LRIG1: variants seen among roughly 807,000 people sequenced by gnomAD.
LRIG1 encodes leucine rich repeats and immunoglobulin like domains 1.
LRIG1 carries 48 observed loss-of-function variants against 99.2 expected under a neutral mutation model. That is an observed-to-expected ratio of 0.48 (90% CI 0.38 to 0.62). The LOEUF (loss-of-function observed/expected upper bound fraction) is 0.62, where lower values mean the gene tolerates loss of function less well. Among genes scored for constraint, LRIG1 ranks in the 20% least tolerant of loss-of-function variants. The pLI, the probability that LRIG1 is intolerant of heterozygous loss-of-function variation, is 0.00. For missense variants in LRIG1, 1,646 were observed against 1,434.4 expected, an observed-to-expected ratio of 1.15 and a Z score of -2.38; for synonymous variants, 772 against 596.1, an observed-to-expected ratio of 1.29 and a Z score of -4.30.
chr3:66,461,364 A>C (rs1037663464), intron 2 of LRIG1, among the ~76,000 whole-genome samples: 2 of 152,244 alleles, frequency 1.3e-5, no homozygotes, highest in African/African-American at 4.8e-5. Context: ...TACTCATAAC[A>C]AAAATGGGTA....
intron 11 of LRIG1, among the ~76,000 whole-genome samples, chr3:66,395,254 A>T (rs1158582463): frequency 2.6e-5 from 4 of 152,178 alleles, no homozygotes; most frequent in Admixed American, 2.0e-4. Context: ...AATTCCAAAA[A>T]CATCATGCAG....
At chr3:66,486,414 T>C (rs1252839920) in intron 1 of LRIG1, among the ~76,000 whole-genome samples, 2 of 152,042 alleles carry the variant, frequency 1.3e-5, no homozygotes, top group Admixed American at 6.5e-5. Context: ...CCCACAACCA[T>C]GGCCCCTCAT....
intron 1 of LRIG1, among the ~76,000 whole-genome samples, chr3:66,490,303 C>T (rs1701073687): frequency 2.0e-5 from 3 of 152,244 alleles, no homozygotes; most frequent in Admixed American, 1.3e-4. Context: ...GGAAGGAAAC[C>T]CTGCTCCCTT....
At chr3:66,472,304 A>AG (rs1700617561) in intron 1 of LRIG1, among the ~76,000 whole-genome samples, 1 of 2,806 alleles carries the variant, frequency 3.6e-4, no homozygotes, top group African/African-American at 5.1e-4. Context: ...ACTCTGTCTC[A>AG]AAAAAAAAAA....
chr3:66,472,081 G>C (rs1210031211), intron 1 of LRIG1, among the ~76,000 whole-genome samples: 1 of 152,064 alleles, frequency 6.6e-6, no homozygotes, highest in Non-Finnish European at 1.5e-5. Context: ...AAGGCAGGCA[G>C]ACCATGAGGT....
chr3:66,430,007 T>C (rs747805046), intron 3 of LRIG1, among the ~76,000 whole-genome samples: 6 of 152,220 alleles, frequency 3.9e-5, no homozygotes, highest in Non-Finnish European at 8.8e-5. Context: ...TTTTAGTCTA[T>C]CGTATTGACT....
At chr3:66,482,185 A>G (rs931820380) in intron 1 of LRIG1, among the ~76,000 whole-genome samples, 2 of 152,240 alleles carry the variant, frequency 1.3e-5, no homozygotes, top group African/African-American at 4.8e-5. Flanking sequence ...ACGCGTCCAC[A>G]TCTGTTTAAG....
intron 1 of LRIG1, among the ~76,000 whole-genome samples, chr3:66,470,913 T>C (rs768083618): frequency 2.0e-5 from 3 of 152,218 alleles, no homozygotes; most frequent in Non-Finnish European, 2.9e-5. Context: ...TCATCTTTAG[T>C]GCAGTTTAGT....
At chr3:66,407,574 G>C in intron 7 of LRIG1, 83 bp from the exon 8 acceptor site, 1 of 1,529,024 alleles carries the variant, frequency 6.5e-7, no homozygotes, top group Non-Finnish European at 9.0e-7. Context: ...GCCACAGTCA[G>C]CTGGGTTTCA....
chr3:66,383,215 A>G lies in LRIG1; in HGVS notation c.2258T>C (p.Val753Ala), dbSNP rs1293322353. ...ATATCGGCCCGCATCCTCTGCCACC[A>G]CGTTCTGAACCACCAGGAGCTGGTT... ...PDNQLLVVQNVVAEDAGRYTC... is the reference protein window; with the variant it reads ...PDNQLLVVQNAVAEDAGRYTC... The change falls in exon 15 of 19, where the codon GTG becomes GCG. Residue 753 changes from valine (V) to alanine (A), a missense_variant. Coordinates refer to ENST00000273261, the MANE Select transcript of LRIG1 (RefSeq NM_015541.3). 18 of 1,613,992 alleles carry G rather than the reference A, an allele frequency of 1.1e-5. No homozygotes were observed. Among genetic ancestry groups the G allele is most frequent in the Non-Finnish European group, 1.1e-5 (13 of 1,180,030 alleles).
intron 3 of LRIG1, 55 bp from the exon 4 acceptor site, chr3:66,417,321 A>G: frequency 1.3e-6 from 2 of 1,577,402 alleles, no homozygotes; most frequent in South Asian, 2.2e-5. Flanking sequence ...AGTAACTACA[A>G]GAAACTAGTA....
chr3:66,447,098 T>C (rs934121264), intron 3 of LRIG1, among the ~76,000 whole-genome samples: 4 of 152,134 alleles, frequency 2.6e-5, no homozygotes, highest in Non-Finnish European at 4.4e-5. Context: ...TGTGAGTACA[T>C]AGTAGGTGTA....
intron 8 of LRIG1, among the ~76,000 whole-genome samples, chr3:66,407,041 T>A (rs575106177): frequency 9.7e-4 from 148 of 152,278 alleles, no homozygotes; most frequent in Middle Eastern, 6.8e-3. Context: ...GGGAAGCTTT[T>A]TCCAACACTA....
intron 12 of LRIG1, chr3:66,388,106 CAAAAAAAAAAA>C (rs34227936): frequency 1.9e-5 from 1 of 53,640 alleles, no homozygotes; most frequent in Admixed American, 3.4e-4. Context: ...GACTCTGTCT[CAAAAAAAAAAA>C]AAAAAAAAAA....
At chr3:66,388,105 T>TC (rs1701468186) in intron 12 of LRIG1, 1 of 15,470 alleles carries the variant, frequency 6.5e-5, no homozygotes, top group African/African-American at 3.2e-4. Flanking sequence ...AGACTCTGTC[T>TC]CAAAAAAAAA....
At chr3:66,440,857 T>C (rs968821490) in intron 3 of LRIG1, among the ~76,000 whole-genome samples, 6 of 152,154 alleles carry the variant, frequency 3.9e-5, no homozygotes, top group South Asian at 2.1e-4. Context: ...CCAGGTGACA[T>C]AGCAAAGGTG....
At chr3:66,414,857 G>A in intron 5 of LRIG1, 63 bp downstream of exon 5, 1 of 1,455,308 alleles carries the variant, frequency 6.9e-7, no homozygotes, top group Non-Finnish European at 9.2e-7. Flanking sequence ...CGAGGTCCTT[G>A]GGGAAATCTG....
intron 3 of LRIG1, among the ~76,000 whole-genome samples, chr3:66,427,933 G>C (rs1318362873): frequency 6.6e-6 from 1 of 152,162 alleles, no homozygotes; most frequent in African/African-American, 2.4e-5. Context: ...CATTGTTTAT[G>C]AGATCCATCT....
intron 9 of LRIG1, among the ~76,000 whole-genome samples, chr3:66,400,392 A>C (rs1448550133): frequency 1.3e-5 from 2 of 152,206 alleles, no homozygotes; most frequent in Non-Finnish European, 2.9e-5. Flanking sequence ...CCAGGGAACA[A>C]CCAAAGGCAG....
Sources: allele counts gnomAD v4.1 joint callset (sites outside exome capture counted in the v4.1 genomes callset), GRCh38; gene constraint gnomAD v4.1.1; transcripts MANE v1.5; gene names NCBI Gene and HGNC (gene_info 2026-07-23, HGNC 2026-07-21).